Variants in SPIRE2 observed in about 807,000 individuals in gnomAD.
SPIRE2 encodes protein spire homolog 2.
In SPIRE2, 76 loss-of-function variants were observed where a neutral mutation model predicts 80.7. The observed-to-expected ratio is 0.94, with a 90% CI of 0.78 to 1.14. The LOEUF (loss-of-function observed/expected upper bound fraction) is 1.14, where lower values mean the gene tolerates loss of function less well. SPIRE2 is among the 50% of genes most tolerant of loss of function. The pLI is 0.00. For synonymous variants in SPIRE2, 535 were observed against 432.6 expected (o/e 1.24, Z -2.94); for missense variants, 1,196 against 1,015.3 (o/e 1.18, Z -2.42).
chr16:89,854,249 G>T (rs368521165), intron 3 of SPIRE2, 37 bp from the exon 4 acceptor site: 16 of 1,598,358 alleles, frequency 1.0e-5, no homozygotes, highest in Non-Finnish European at 2.6e-6. Flanking sequence ...TGCCATTCTC[G>T]TACCTCCCCT....
chr16:89,857,065 CAAA>C (rs149681607), intron 7 of SPIRE2, among the ~76,000 whole-genome samples: 1 of 90,460 alleles, frequency 1.1e-5, no homozygotes, highest in African/African-American at 4.2e-5. Flanking sequence ...GACCTCGTTT[CAAA>C]AAAAAAAAAA....
intron 13 of SPIRE2, among the ~76,000 whole-genome samples, chr16:89,869,160 C>T (rs2041817294): frequency 6.8e-6 from 1 of 146,924 alleles, no homozygotes; most frequent in Non-Finnish European, 1.5e-5. Flanking sequence ...TACTCTACAT[C>T]CTGCCACTTG....
intron 2 of SPIRE2, among the ~76,000 whole-genome samples, chr16:89,848,214 C>T (rs1382951793): frequency 6.6e-6 from 1 of 152,252 alleles, no homozygotes; most frequent in East Asian, 1.9e-4. Context: ...CTGGAGGTCC[C>T]TTGCCCCAGG....
intron 3 of SPIRE2, among the ~76,000 whole-genome samples, 172 bp downstream of exon 3, chr16:89,850,832 TTTGTTGTTG>T (rs370324556): frequency 6.6e-6 from 1 of 152,020 alleles, no homozygotes; most frequent in African/African-American, 2.4e-5. Context: ...TTGTTGTTTT[TTTGTTGTTG>T]TTGTTGTTTT....
chr16:89,854,597 C>T lies in SPIRE2; in HGVS notation c.837C>T (p.Phe279=), dbSNP rs764916958. Residue 279 remains phenylalanine, a synonymous_variant, in exon 5 of 15, where the codon TTC becomes TTT. Coordinates refer to ENST00000378247, the MANE Select transcript of SPIRE2 (RefSeq NM_032451.2). ...PLPTEFQLTP[F]EMLMQDIRAR... ...CCACCGAGTTCCAGCTCACGCCCTT[C>T]GAGATGCTGATGCAGGACATCCGGG... is the stretch of plus-strand genomic sequence containing the variant. 89 of 1,604,522 alleles carry T rather than the reference C, an allele frequency of 5.5e-5. 1 individual carries two copies. The Admixed American group carries it at 6.4e-4, about 12-fold the overall frequency.
chr16:89,870,070 G>C lies in SPIRE2; in HGVS notation c.1943G>C (p.Trp648Ser). The change falls in exon 15 of 15, where the codon TGG becomes TCG. Residue 648 changes from tryptophan to serine, a missense_variant. By Grantham distance (177) the Trp-to-Ser change is radical. Coordinates refer to ENST00000378247, the MANE Select transcript of SPIRE2 (RefSeq NM_032451.2). The stretch of plus-strand genomic sequence containing the variant: ...CCCAGGTCTCTGCAAGGGCCACAGT[G>C]GCAGAGCGTGGAGGAGGCGTTCCCC... ...DIFQSLQGPQ[W>S]QSVEEAFPHI... The C allele has an allele frequency of 6.2e-7, 1 of 1,613,006 alleles. No homozygotes were observed. The highest frequency in any genetic ancestry group is 1.1e-5 in the South Asian group (1 of 90,864).
intron 7 of SPIRE2, 72 bp downstream of exon 7, chr16:89,856,308 T>C: frequency 6.8e-7 from 1 of 1,479,702 alleles, no homozygotes; most frequent in Non-Finnish European, 9.0e-7. Context: ...CCTGGTCAGG[T>C]TGCACATTGG....
intron 1 of SPIRE2, among the ~76,000 whole-genome samples, chr16:89,829,164 G>T (rs1567666554): frequency 6.6e-6 from 1 of 152,308 alleles, no homozygotes; most frequent in African/African-American, 2.4e-5. Flanking sequence ...CTCCTCCCCT[G>T]CCTTCAGCAG....
chr16:89,832,337 C>G (rs1240463911), intron 1 of SPIRE2, among the ~76,000 whole-genome samples: 1 of 152,220 alleles, frequency 6.6e-6, no homozygotes, highest in Non-Finnish European at 1.5e-5. Flanking sequence ...GGTGAGCTTG[C>G]CTTTATTTTA....
At chr16:89,843,663 C>CGCCCTCGCTGT in intron 1 of SPIRE2, among the ~76,000 whole-genome samples, 1 of 110,086 alleles carries the variant, frequency 9.1e-6, no homozygotes. Flanking sequence ...TGCCTTGCTG[C>CGCCCTCGCTGT]CACGTTTTTT....
At chr16:89,852,967 A>G (rs1263880277) in intron 3 of SPIRE2, among the ~76,000 whole-genome samples, 1 of 65,626 alleles carries the variant, frequency 1.5e-5, no homozygotes, top group Non-Finnish European at 3.0e-5. Flanking sequence ...CCTCCCTCTC[A>G]CCCCCCGGAT....
At position 89,845,687 on chromosome 16, in the gene SPIRE2, G is replaced by T. The variant is rs558912629; in HGVS notation, c.288+322G>T. The T allele has an allele frequency of 5.9e-6, 4 of 675,626 alleles. No homozygotes were observed. The East Asian group carries it at 1.1e-4, about 18-fold the overall frequency. 41.9% of individuals were successfully genotyped at this position (675,626 alleles called of 1,614,324 possible). A position where few individuals can be genotyped will look rare whatever the true frequency, so the allele number is the denominator to read the frequency against. ...CCGGCCTCCCAGACACAGAGCCGGG[G>T]TCAGGGAGACGACTTCAGGTGCAAA... On this transcript the variant is annotated intron_variant, in intron 2 of 14. Transcript: ENST00000378247.
At chr16:89,855,349 A>G (rs574448121) in intron 5 of SPIRE2, among the ~76,000 whole-genome samples, 2 of 152,050 alleles carry the variant, frequency 1.3e-5, no homozygotes, top group Admixed American at 1.3e-4. Flanking sequence ...CCTCCAGATG[A>G]GTCCCAGGTG....
At position 89,863,484 on chromosome 16, in the gene SPIRE2, C is replaced by G. The variant is rs1412894421; in HGVS notation, c.1584C>G (p.Ser528Arg). ...PDAKHLWLEF[S>R]HPVESLALTV... is the part of the protein sequence containing the mutation. ...CTGAGGCCGTCCCCTAGGAGTTCAG[C>G]CACCCCGTGGAGAGCCTGGCGCTGA... Residue 528 changes from serine (S) to arginine (R), a missense_variant, in exon 11 of 15, where the codon AGC (serine) becomes AGG (arginine). Physicochemically the swap from Ser to Arg is moderately radical, Grantham distance 110. Coordinates refer to ENST00000378247, the MANE Select transcript of SPIRE2 (RefSeq NM_032451.2). The surrounding 1 kb of genome is among the most constrained non-coding windows in gnomAD (Gnocchi z 4.3). 6.2e-7 allele frequency: 1 copy of G among 1,614,004 alleles called. No homozygotes were observed. The highest frequency in any genetic ancestry group is 1.1e-5 in the South Asian group (1 of 91,074).
intron 1 of SPIRE2, among the ~76,000 whole-genome samples, chr16:89,844,908 CT>C (rs1329193414): frequency 1.3e-5 from 2 of 152,228 alleles, no homozygotes; most frequent in Non-Finnish European, 2.9e-5. Flanking sequence ...CCCTCCTTCA[CT>C]CTTACTCCCA....
chr16:89,847,205 C>T (rs958251640), intron 2 of SPIRE2: 1 of 152,192 alleles, frequency 6.6e-6, no homozygotes, highest in Non-Finnish European at 1.5e-5. Flanking sequence ...TGGAGAACCT[C>T]GGGGCGGGGA....
intron 1 of SPIRE2, among the ~76,000 whole-genome samples, chr16:89,840,189 G>T (rs2041490827): frequency 1.3e-5 from 2 of 151,918 alleles, no homozygotes; most frequent in South Asian, 4.1e-4. Context: ...GCTGCTGGAG[G>T]AGCTGCAGGC....
Position 89,831,059 on chromosome 16 carries a change from G to A in SPIRE2, c.244+2265G>A, listed in dbSNP as rs888124976. On this transcript the variant is annotated intron_variant, in intron 1 of 14. Coordinates refer to ENST00000378247, the MANE Select transcript of SPIRE2 (RefSeq NM_032451.2). Reference sequence around the variant, plus strand: ...CGAGTAGCTGGGACTACAGGCGCCCGCCACCACGCCCGGCTAATTTTTTGT... The same window carrying A: ...CGAGTAGCTGGGACTACAGGCGCCCACCACCACGCCCGGCTAATTTTTTGT... 6.7e-5 allele frequency among the ~76,000 whole-genome samples: 10 copies of A among 150,266 alleles called. 1 individual carries two copies. The highest frequency in any genetic ancestry group is 1.5e-4 in the Non-Finnish European group (10 of 66,982).
In SPIRE2 at chr16:89,863,032, G is replaced by C. The variant is rs1483562230; in HGVS notation, c.1576-444G>C. ...CCAGGAATCAGTGGCCAGGACACGG[G>C]AGGTGTGCTGAGCGCAGATGGGCAG... is the stretch of plus-strand genomic sequence containing the variant. On this transcript the variant is annotated intron_variant, in intron 10 of 14. Coordinates refer to ENST00000378247, the MANE Select transcript of SPIRE2 (RefSeq NM_032451.2). This position sits in a 1 kb window ranked among gnomAD's most constrained non-coding sequence, Gnocchi z 4.3. The C allele has an allele frequency of 2.2e-5, 4 of 178,832 alleles. No homozygotes were observed. The highest frequency in any genetic ancestry group is 4.8e-5 in the Non-Finnish European group (4 of 82,702). 11.1% of individuals were successfully genotyped at this position (178,832 alleles called of 1,614,324 possible).
Sources: gnomAD v4.1 joint callset for allele counts (sites outside exome capture counted in the v4.1 genomes callset) on GRCh38, gnomAD v4.1.1 for gene constraint, Gnocchi (gnomAD v3.1) non-coding constraint, MANE v1.5 for transcripts, NCBI Gene and HGNC (gene_info 2026-07-23, HGNC 2026-07-21) for gene names.